Variants in TMEM131 observed in about 807,000 individuals in gnomAD.
TMEM131 encodes the protein 2610524E03Rik.
A neutral mutation model predicts 211.6 loss-of-function variants in TMEM131; 66 were observed. That is an observed-to-expected ratio of 0.31 (90% CI 0.26 to 0.38). The LOEUF is 0.38. Among genes scored for constraint, TMEM131 ranks in the 10% least tolerant of loss-of-function variants. The probability of loss-of-function intolerance (pLI) is 1.00; values close to 1 mark genes in which losing one functional copy is unlikely to be tolerated. For missense variants in TMEM131, 2,036 were observed against 2,299.3 expected (o/e 0.89, Z 2.34); for synonymous variants, 844 against 841.3 (o/e 1.00, Z -0.06).
At position 97,812,473 on chromosome 2, in the gene TMEM131, A is replaced by C. The variant is rs375845945; in HGVS notation, c.1811T>G (p.Ile604Arg). ...VAVERGNRTT[I>R]ISSLPEFEKS... ...TTCAAACTCTGGCAGGCTTGAAATT[A>C]TTGTAGTTCTATTGCCTCTTTCCAC... Residue 604 changes from isoleucine to arginine, a missense_variant, in exon 17 of 41, where the codon ATA becomes AGA. Transcript: ENST00000186436. 1.1e-5 allele frequency: 17 copies of C among 1,613,164 alleles called. No homozygotes were observed. Among genetic ancestry groups the C allele is most frequent in the African/African-American group, 2.7e-5 (2 of 74,890 alleles).
At chr2:97,795,839 C>T (rs1680736629) in intron 28 of TMEM131, among the ~76,000 whole-genome samples, 1 of 152,088 alleles carries the variant, frequency 6.6e-6, no homozygotes, top group Non-Finnish European at 1.5e-5. Flanking sequence ...TACTGCAAAA[C>T]GTGAAAAAAC....
chr2:97,919,431 C>T (rs1037706037), intron 2 of TMEM131, among the ~76,000 whole-genome samples: 1 of 152,106 alleles, frequency 6.6e-6, no homozygotes, highest in African/African-American at 2.4e-5. Context: ...TCTAGTTTGG[C>T]AAATTTTTTC....
At chr2:97,849,717 CTTTTTTT>C (rs11320615) in intron 5 of TMEM131, among the ~76,000 whole-genome samples, 1 of 103,826 alleles carries the variant, frequency 9.6e-6, no homozygotes, top group African/African-American at 3.8e-5. Flanking sequence ...CTCTCTCTCT[CTTTTTTT>C]TTTTTTTTTT....
chr2:97,794,647 T>C (rs1374941376), intron 29 of TMEM131, among the ~76,000 whole-genome samples: 3 of 152,246 alleles, frequency 2.0e-5, no homozygotes, highest in Admixed American at 2.0e-4. Flanking sequence ...ATTATATATA[T>C]GCCCAAGTCA....
chr2:97,774,520 AAGG>A (rs1679622313), intron 32 of TMEM131, among the ~76,000 whole-genome samples: 1 of 152,208 alleles, frequency 6.6e-6, no homozygotes, highest in Admixed American at 6.5e-5. Context: ...GTAACCAGAC[AAGG>A]AGGCCTCATG....
rs558795643 is a variant in TMEM131 at position 97,782,447 on chromosome 2, T to C, written c.4145-6429A>G. On this transcript the variant is annotated intron_variant, in intron 31 of 40. Coordinates refer to ENST00000186436, the MANE Select transcript of TMEM131 (RefSeq NM_015348.2). Reference sequence around the variant, plus strand: ...TACCCAAATGGTCCAGGTTTCAATCTACAGCCACTCTTCATACCAAGAATC... The same window carrying C: ...TACCCAAATGGTCCAGGTTTCAATCCACAGCCACTCTTCATACCAAGAATC... Among the ~76,000 whole-genome samples, 17 of 152,318 alleles carry C rather than the reference T, an allele frequency of 1.1e-4. No homozygotes were observed. In the East Asian group the frequency reaches 1.9e-3, roughly 17 times the overall value.
intron 4 of TMEM131, among the ~76,000 whole-genome samples, chr2:97,886,906 T>C (rs1043062041): frequency 2.6e-5 from 4 of 152,230 alleles, no homozygotes; most frequent in Non-Finnish European, 4.4e-5. Flanking sequence ...AAACTCTTTT[T>C]GGAGAATCTG....
At chr2:97,789,295 C>A (rs536183764) in intron 31 of TMEM131, among the ~76,000 whole-genome samples, 1 of 152,364 alleles carries the variant, frequency 6.6e-6, no homozygotes, top group African/African-American at 2.4e-5. Context: ...TGGCCTTGCC[C>A]TCAGGATTCT....
chr2:97,862,136 A>G (rs1289983920), intron 4 of TMEM131, among the ~76,000 whole-genome samples: 2 of 152,228 alleles, frequency 1.3e-5, no homozygotes, highest in Non-Finnish European at 2.9e-5. Context: ...CCAAGATGGT[A>G]CTTCTACAAG....
intron 29 of TMEM131, among the ~76,000 whole-genome samples, 170 bp from the exon 30 acceptor site, chr2:97,793,723 G>A (rs1030715574): frequency 1.6e-4 from 24 of 152,058 alleles, no homozygotes; most frequent in Non-Finnish European, 2.2e-4. Context: ...GGCTGGGCAC[G>A]GTAGCTCATG....
chr2:97,854,283 A>G (rs1159733220), intron 5 of TMEM131, among the ~76,000 whole-genome samples: 2 of 152,180 alleles, frequency 1.3e-5, no homozygotes, highest in African/African-American at 2.4e-5. Flanking sequence ...AGGTATGTAC[A>G]TTTTTTAGAC....
intron 1 of TMEM131, among the ~76,000 whole-genome samples, chr2:97,947,905 C>T (rs1264666029): frequency 6.6e-6 from 1 of 152,078 alleles, no homozygotes; most frequent in African/African-American, 2.4e-5. Context: ...CTGATTGCAA[C>T]AGGGTGCCAA....
intron 2 of TMEM131, among the ~76,000 whole-genome samples, chr2:97,926,260 TTTAAA>T (rs1676987732): frequency 6.6e-6 from 1 of 152,168 alleles, no homozygotes; most frequent in Admixed American, 6.5e-5. Flanking sequence ...TTAGCTTAAA[TTTAAA>T]TTAGAGAAAG....
rs377067837 is a variant in TMEM131, at chr2:97,759,036, C to T, written c.5224G>A (p.Gly1742Arg). Residue 1742 changes from glycine (G) to arginine (R), a missense_variant, in exon 40 of 41, where the codon GGA (glycine) becomes AGA (arginine). Physicochemically the swap from Gly to Arg is moderately radical, Grantham distance 125. Coordinates refer to ENST00000186436, the MANE Select transcript of TMEM131 (RefSeq NM_015348.2). Reference protein sequence around the residue: ...NLTGEVFSKLGLSRSCNQASQ... With the variant: ...NLTGEVFSKLRLSRSCNQASQ... ...GCCTGATTGCACGATCGAGATAATC[C>T]GAGTTTGCTGAAAACTTCTGGAAAT... is the stretch of plus-strand genomic sequence containing the variant. 4.1e-5 allele frequency: 66 copies of T among 1,613,926 alleles called. No individual in the cohort carries two copies. Among genetic ancestry groups the T allele is most frequent in the Non-Finnish European group, 5.3e-5 (63 of 1,179,902 alleles).
chr2:97,783,777 G>C (rs1383183501), intron 31 of TMEM131, among the ~76,000 whole-genome samples: 1 of 151,938 alleles, frequency 6.6e-6, no homozygotes, highest in African/African-American at 2.4e-5. Context: ...ATTAAAAGCA[G>C]ACAGTCTACT....
intron 1 of TMEM131, among the ~76,000 whole-genome samples, chr2:97,972,317 C>A (rs994838399): frequency 2.6e-5 from 4 of 152,080 alleles, no homozygotes; most frequent in East Asian, 1.9e-4. Flanking sequence ...ATGTTCCAGG[C>A]CCACCTAACA....
intron 1 of TMEM131, among the ~76,000 whole-genome samples, chr2:97,960,028 T>C (rs1315756783): frequency 1.3e-5 from 2 of 152,212 alleles, no homozygotes; most frequent in Admixed American, 1.3e-4. Flanking sequence ...AGAAATGACA[T>C]GCAACCCTAA....
At chr2:97,869,308 A>G (rs1674397322) in intron 4 of TMEM131, among the ~76,000 whole-genome samples, 1 of 152,222 alleles carries the variant, frequency 6.6e-6, no homozygotes, top group Non-Finnish European at 1.5e-5. Flanking sequence ...GGCCTCCTGC[A>G]GGAGAGGGCT....
chr2:97,819,429 C>T (rs1376591821), intron 11 of TMEM131, among the ~76,000 whole-genome samples: 1 of 152,156 alleles, frequency 6.6e-6, no homozygotes, highest in Non-Finnish European at 1.5e-5. Context: ...ACACAAAGCC[C>T]TTTCAATTGG....
Sources: allele counts gnomAD v4.1 joint callset (sites outside exome capture counted in the v4.1 genomes callset), GRCh38; gene constraint gnomAD v4.1.1; transcripts MANE v1.5; gene names NCBI Gene and HGNC (gene_info 2026-07-23, HGNC 2026-07-21).